STIM2: variants seen among roughly 807,000 people sequenced by gnomAD.
STIM2 encodes stromal interaction molecule 2.
STIM2 carries 31 observed loss-of-function variants against 85.8 expected under a neutral mutation model. The observed-to-expected ratio is 0.36, with a 90% CI of 0.27 to 0.49. The LOEUF (loss-of-function observed/expected upper bound fraction) is 0.49, where lower values mean the gene tolerates loss of function less well. Among genes scored for constraint, STIM2 ranks in the 20% least tolerant of loss-of-function variants. The pLI is 0.98. For synonymous variants in STIM2, 356 were observed against 331.1 expected (o/e 1.08, Z -0.82); for missense variants, 841 against 927.6 (o/e 0.91, Z 1.21).
chr4:27,016,245 T>G (rs1355691646), intron 10 of STIM2, among the ~76,000 whole-genome samples: 1 of 152,244 alleles, frequency 6.6e-6, no homozygotes, highest in Non-Finnish European at 1.5e-5. Flanking sequence ...AATCCCTATT[T>G]TTTAGTTTTC....
intron 10 of STIM2, among the ~76,000 whole-genome samples, chr4:27,009,542 A>C (rs189723699): frequency 1.6e-4 from 24 of 152,350 alleles, no homozygotes; most frequent in South Asian, 1.4e-3. Context: ...ACCACTAACT[A>C]ACTCCAGGTA....
chr4:26,863,287 T>G (rs1722286617), intron 1 of STIM2, among the ~76,000 whole-genome samples: 1 of 152,180 alleles, frequency 6.6e-6, no homozygotes, highest in South Asian at 2.1e-4. Flanking sequence ...CTGGAATTAT[T>G]TCTAACGTTC....
rs190293421 is a variant in STIM2, at chr4:26,927,942, T to C, written c.282+8308T>C. On this transcript the variant is annotated intron_variant, in intron 2 of 11. Transcript: ENST00000467087. ...CTGGTGCTGCTATAGCAGGGTACTATAGACTGGGTAATCTATAATGAACAG... is the reference window on the plus strand; with the variant it reads ...CTGGTGCTGCTATAGCAGGGTACTACAGACTGGGTAATCTATAATGAACAG... Among the ~76,000 whole-genome samples the C allele has an allele frequency of 2.5e-3, 375 of 150,686 alleles. 1 individual carries two copies. The highest frequency in any genetic ancestry group is 4.1e-3 in the Non-Finnish European group (281 of 67,790).
rs571921425 is a variant in STIM2 at position 26,891,190 on chromosome 4, A to G, written c.152-28314A>G. Among the ~76,000 whole-genome samples, 5 of 152,320 alleles carry G rather than the reference A, an allele frequency of 3.3e-5. No homozygotes were observed. In the South Asian group the frequency reaches 1.0e-3, roughly 32 times the overall value. ...AACACTAGTCTAGATGTTGCATGAA[A>G]GTAATTTGTAGATATGATTAGTATC... is the stretch of plus-strand genomic sequence containing the variant. On this transcript the variant is annotated intron_variant, in intron 1 of 11. Transcript: ENST00000467087.
chr4:26,878,852 C>G (rs1722902599), intron 1 of STIM2, among the ~76,000 whole-genome samples: 3 of 152,188 alleles, frequency 2.0e-5, no homozygotes, highest in Non-Finnish European at 2.9e-5. Context: ...AAGGAAGTGC[C>G]ACACTTAAAA....
chr4:26,884,734 T>C (rs1200555543), intron 1 of STIM2, among the ~76,000 whole-genome samples: 5 of 152,258 alleles, frequency 3.3e-5, no homozygotes, highest in African/African-American at 9.6e-5. Context: ...AGCCATTTAT[T>C]GAGTACTTAC....
intron 2 of STIM2, among the ~76,000 whole-genome samples, chr4:26,934,668 C>T (rs1725328611): frequency 6.6e-6 from 1 of 152,146 alleles, no homozygotes; most frequent in African/African-American, 2.4e-5. Flanking sequence ...AGTCCCAGCA[C>T]TTCGGGAGGC....
intron 1 of STIM2, among the ~76,000 whole-genome samples, chr4:26,890,177 G>C (rs1050165407): frequency 6.6e-6 from 1 of 152,174 alleles, no homozygotes; most frequent in Non-Finnish European, 1.5e-5. Flanking sequence ...ATTGTCCACA[G>C]TCATCTGTAA....
chr4:26,944,773 T>C (rs1725751504), intron 2 of STIM2, among the ~76,000 whole-genome samples: 1 of 152,210 alleles, frequency 6.6e-6, no homozygotes, highest in South Asian at 2.1e-4. Context: ...ATCACGTGAA[T>C]AGTATTTTCC....
At chr4:27,015,683 G>A (rs889952204) in intron 10 of STIM2, among the ~76,000 whole-genome samples, 2 of 151,510 alleles carry the variant, frequency 1.3e-5, no homozygotes, top group African/African-American at 2.4e-5. Context: ...CTTGGTTCGG[G>A]TTCTTTTTAG....
intron 2 of STIM2, among the ~76,000 whole-genome samples, chr4:26,955,841 C>T (rs1386400906): frequency 6.6e-6 from 1 of 152,114 alleles, no homozygotes; most frequent in Non-Finnish European, 1.5e-5. Flanking sequence ...GCTGACACTA[C>T]TCTGCTGAAT....
intron 1 of STIM2, among the ~76,000 whole-genome samples, chr4:26,866,882 G>C (rs1232448775): frequency 1.3e-5 from 2 of 152,112 alleles, no homozygotes; most frequent in Non-Finnish European, 2.9e-5. Flanking sequence ...AAGGTAAAAG[G>C]CATTTTGAAC....
chr4:27,000,649 CAAA>C (rs1392510160), intron 5 of STIM2, among the ~76,000 whole-genome samples: 1 of 151,912 alleles, frequency 6.6e-6, no homozygotes, highest in Admixed American at 6.6e-5. Context: ...AAACTAGTCT[CAAA>C]AAAGATTGTA....
chr4:27,000,058 T>G (rs1416506021), intron 5 of STIM2, among the ~76,000 whole-genome samples: 2 of 152,148 alleles, frequency 1.3e-5, no homozygotes, highest in African/African-American at 2.4e-5. Flanking sequence ...TTATGTTTTT[T>G]TTTTTTAGTC....
In STIM2 at chr4:26,945,080, A is replaced by G. The variant is rs1725763557; in HGVS notation, c.283-12532A>G. On this transcript the variant is annotated intron_variant, in intron 2 of 11. Transcript: ENST00000467087. Reference sequence around the variant, plus strand: ...TAGTATCCACTAGTTACTTTTCCTGATCCTCTCCCTCTTTTTACCCCCCAC... The same window carrying G: ...TAGTATCCACTAGTTACTTTTCCTGGTCCTCTCCCTCTTTTTACCCCCCAC... Among the ~76,000 whole-genome samples the G allele has an allele frequency of 2.0e-5, 3 of 152,064 alleles. No individual in the cohort carries two copies. In the South Asian group the frequency reaches 6.2e-4, roughly 32 times the overall value.
chr4:26,946,568 G>T (rs147752739), intron 2 of STIM2, among the ~76,000 whole-genome samples: 2 of 152,190 alleles, frequency 1.3e-5, no homozygotes, highest in African/African-American at 4.8e-5. Context: ...GTGTGTGTGC[G>T]CACGCATGCG....
intron 1 of STIM2, among the ~76,000 whole-genome samples, chr4:26,907,207 TGAGA>T (rs1450810793): frequency 8.5e-5 from 13 of 152,132 alleles, no homozygotes; most frequent in Admixed American, 2.6e-4. Context: ...AACTTGGTGT[TGAGA>T]GAGTGAGTCC....
intron 10 of STIM2, among the ~76,000 whole-genome samples, chr4:27,010,134 G>A (rs1481241385): frequency 2.0e-5 from 3 of 152,248 alleles, no homozygotes; most frequent in East Asian, 3.9e-4. Flanking sequence ...TACAAGAGTT[G>A]ATTTTAAATT....
At chr4:26,864,877 A>T (rs1387894202) in intron 1 of STIM2, among the ~76,000 whole-genome samples, 1 of 152,170 alleles carries the variant, frequency 6.6e-6, no homozygotes, top group East Asian at 1.9e-4. Context: ...AATTAGCATG[A>T]TTGTCATTGG....
Sources: gnomAD v4.1 joint callset for allele counts (sites outside exome capture counted in the v4.1 genomes callset) on GRCh38, gnomAD v4.1.1 for gene constraint, MANE v1.5 for transcripts, NCBI Gene and HGNC (gene_info 2026-07-23, HGNC 2026-07-21) for gene names.